PARD3B: variants seen among roughly 807,000 people sequenced by gnomAD.
PARD3B encodes par-3 family cell polarity regulator beta.
In PARD3B, 103 loss-of-function variants were observed where a neutral mutation model predicts 130.2. The ratio of observed to expected loss-of-function variants is 0.79; its 90% confidence interval spans 0.67 to 0.93. The LOEUF (loss-of-function observed/expected upper bound fraction) is 0.93. Ranked by LOEUF, PARD3B falls within the 40% of genes least tolerant of loss-of-function variation. The pLI is 0.00. For missense variants in PARD3B, 1,609 were observed against 1,499.2 expected (o/e 1.07, Z -1.21); for synonymous variants, 583 against 553.2 (o/e 1.05, Z -0.76).
chr2:205,323,170 A>G (rs1481069714), intron 18 of PARD3B, among the ~76,000 whole-genome samples: 1 of 151,662 alleles, frequency 6.6e-6, no homozygotes, highest in African/African-American at 2.4e-5. Context: ...CAGCCTCCCA[A>G]AGTGCTGGGA....
chr2:205,372,969 A>G (rs1447870709), intron 18 of PARD3B, among the ~76,000 whole-genome samples: 1 of 152,186 alleles, frequency 6.6e-6, no homozygotes, highest in East Asian at 1.9e-4. Context: ...ACAGAGCAAG[A>G]CCCTGTCTAA....
intron 2 of PARD3B, among the ~76,000 whole-genome samples, chr2:204,812,876 C>T (rs968895500): frequency 3.3e-5 from 5 of 152,080 alleles, no homozygotes; most frequent in Admixed American, 6.6e-5. Context: ...CTGACCATCC[C>T]GTGATGGTCA....
At chr2:205,153,220 G>T (rs1195996860) in intron 10 of PARD3B, among the ~76,000 whole-genome samples, 1 of 152,178 alleles carries the variant, frequency 6.6e-6, no homozygotes, top group Non-Finnish European at 1.5e-5. Context: ...CTCCCAGTTA[G>T]GCTACTTGGG....
At chr2:204,674,613 C>T (rs2036449561) in intron 1 of PARD3B, among the ~76,000 whole-genome samples, 1 of 152,100 alleles carries the variant, frequency 6.6e-6, no homozygotes, top group Non-Finnish European at 1.5e-5. Context: ...TTAAAGTTAA[C>T]TTATTTTATA....
intron 18 of PARD3B, among the ~76,000 whole-genome samples, chr2:205,373,469 T>C (rs849198): frequency 0.88 from 133,735 of 152,254 alleles, 58,918 homozygotes; most frequent in Admixed American, 0.93. Flanking sequence ...ATGCATTAGA[T>C]GAGAAGCAAA....
intron 1 of PARD3B, among the ~76,000 whole-genome samples, chr2:204,558,518 A>G (rs921111780): frequency 6.6e-6 from 1 of 152,216 alleles, no homozygotes; most frequent in Non-Finnish European, 1.5e-5. Flanking sequence ...GAGAATTACA[A>G]AACACTGCTC....
chr2:205,358,214 C>T (rs966859328), intron 18 of PARD3B, among the ~76,000 whole-genome samples: 6 of 152,114 alleles, frequency 3.9e-5, no homozygotes, highest in Non-Finnish European at 5.9e-5. Context: ...GTCCAATCAC[C>T]GCTACTCTTT....
intron 3 of PARD3B, among the ~76,000 whole-genome samples, chr2:204,989,528 A>T (rs936385481): frequency 3.9e-5 from 6 of 152,304 alleles, no homozygotes; most frequent in Admixed American, 3.9e-4. Flanking sequence ...ACCTGATTTG[A>T]GAAACTGGGC....
Position 204,971,190 on chromosome 2 carries a change from G to A in PARD3B, c.394+5867G>A, listed in dbSNP as rs186193104. ...TAAGCAAACCAAATCCCTTTATGGCGCTGATCTTCAGGAAAACGTAAAGAA... is the reference window on the plus strand; with the variant it reads ...TAAGCAAACCAAATCCCTTTATGGCACTGATCTTCAGGAAAACGTAAAGAA... On this transcript the variant is annotated intron_variant, in intron 3 of 22. Coordinates refer to ENST00000406610, the MANE Select transcript of PARD3B (RefSeq NM_001302769.2). 1.5e-3 allele frequency among the ~76,000 whole-genome samples: 223 copies of A among 152,232 alleles called. 1 individual carries two copies. Among genetic ancestry groups the A allele is most frequent in the African/African-American group, 5.0e-3 (206 of 41,542 alleles).
intron 3 of PARD3B, among the ~76,000 whole-genome samples, chr2:205,040,933 A>G (rs1296064914): frequency 1.3e-5 from 2 of 152,138 alleles, no homozygotes; most frequent in African/African-American, 4.8e-5. Flanking sequence ...CTTTGCACAT[A>G]AACAGGTTAT....
chr2:204,630,564 T>G (rs2034643114), intron 1 of PARD3B, among the ~76,000 whole-genome samples: 1 of 152,192 alleles, frequency 6.6e-6, no homozygotes. Flanking sequence ...AATTTTTGTG[T>G]ATTTGGATGT....
chr2:205,538,778 TTTTG>T (rs1351902383), intron 21 of PARD3B, among the ~76,000 whole-genome samples: 2 of 152,142 alleles, frequency 1.3e-5, no homozygotes, highest in East Asian at 1.9e-4. Flanking sequence ...CTCCAAGTGT[TTTTG>T]TTTTTTTATT....
At chr2:204,670,662 T>G (rs2036257216) in intron 1 of PARD3B, among the ~76,000 whole-genome samples, 1 of 152,204 alleles carries the variant, frequency 6.6e-6, no homozygotes, top group African/African-American at 2.4e-5. Flanking sequence ...GCTATACGTT[T>G]TTTTCTCCTT....
intron 2 of PARD3B, among the ~76,000 whole-genome samples, chr2:204,806,007 C>T (rs2042755217): frequency 6.6e-6 from 1 of 151,986 alleles, no homozygotes; most frequent in African/African-American, 2.4e-5. Context: ...AAAATGAAAG[C>T]TACTCCATGT....
chr2:204,931,972 T>A (rs900445911), intron 2 of PARD3B, among the ~76,000 whole-genome samples: 1 of 152,070 alleles, frequency 6.6e-6, no homozygotes, highest in African/African-American at 2.4e-5. Context: ...GCAAAATTCT[T>A]AAGACATTTG....
intron 2 of PARD3B, among the ~76,000 whole-genome samples, chr2:204,934,099 C>T (rs562454461): frequency 2.0e-5 from 3 of 152,256 alleles, no homozygotes; most frequent in South Asian, 2.1e-4. Context: ...TCAGTGACAT[C>T]GATGGGAAGG....
chr2:204,941,267 A>G (rs1387401133), intron 2 of PARD3B, among the ~76,000 whole-genome samples: 1 of 152,166 alleles, frequency 6.6e-6, no homozygotes, highest in Non-Finnish European at 1.5e-5. Context: ...CCGGCTATTC[A>G]GGAGGCTGAG....
At chr2:204,902,311 A>T (rs1575257239) in intron 2 of PARD3B, among the ~76,000 whole-genome samples, 1 of 152,276 alleles carries the variant, frequency 6.6e-6, no homozygotes, top group South Asian at 2.1e-4. Flanking sequence ...ACTCGAGATT[A>T]AAATATGGGT....
At chr2:204,919,600 T>G (rs969012442) in intron 2 of PARD3B, among the ~76,000 whole-genome samples, 2 of 152,232 alleles carry the variant, frequency 1.3e-5, no homozygotes, top group African/African-American at 4.8e-5. Context: ...CTGGGTGATA[T>G]TCCATTGTAT....
Sources: allele counts gnomAD v4.1 joint callset (sites outside exome capture counted in the v4.1 genomes callset), GRCh38; gene constraint gnomAD v4.1.1; transcripts MANE v1.5; gene names NCBI Gene and HGNC (gene_info 2026-07-23, HGNC 2026-07-21).